Variants in PKIB observed in about 807,000 individuals in gnomAD.
PKIB encodes the protein PKI-beta.
Under a neutral mutation model 4.5 loss-of-function variants are expected in PKIB, and 2 were observed. The ratio of observed to expected loss-of-function variants is 0.44; its 90% CI spans 0.18 to 1.39. The LOEUF is 1.39. Among genes scored for constraint, PKIB ranks in the 40% most tolerant of loss-of-function variants. The pLI is 0.27. For synonymous variants in PKIB, 38 were observed against 36.0 expected, an observed-to-expected ratio of 1.06 and a Z score of -0.20; for missense variants, 94 against 92.6, an observed-to-expected ratio of 1.02 and a Z score of -0.06.
chr6:122,632,909 A>T (rs1775757876), intron 1 of PKIB, among the ~76,000 whole-genome samples: 1 of 152,224 alleles, frequency 6.6e-6, no homozygotes. Flanking sequence ...TGTTTATTTT[A>T]CTATTTAGTA....
In PKIB at chr6:122,507,307, G is replaced by C. The variant is rs192109422; in HGVS notation, c.-248+29368G>C. 1.6e-4 allele frequency among the ~76,000 whole-genome samples: 24 copies of C among 152,208 alleles called. No homozygotes were observed. In the East Asian group the frequency reaches 4.2e-3, roughly 27 times the overall value. On this transcript the variant is annotated intron_variant, in intron 2 of 6. Coordinates refer to the PKIB transcript ENST00000392491. ...TGAGAGGGTTTATAAGTATCTGTAGGCTCAGGCATCTAAACACTATTATTA... is the reference window on the plus strand; with the variant it reads ...TGAGAGGGTTTATAAGTATCTGTAGCCTCAGGCATCTAAACACTATTATTA...
chr6:122,598,518 T>C (rs932890435), intron 3 of PKIB, among the ~76,000 whole-genome samples: 3 of 152,182 alleles, frequency 2.0e-5, no homozygotes, highest in African/African-American at 4.8e-5. Context: ...CACCATTAGA[T>C]CTGACATACA....
intron 2 of PKIB, among the ~76,000 whole-genome samples, chr6:122,558,083 C>T (rs920398279): frequency 6.6e-6 from 1 of 152,114 alleles, no homozygotes; most frequent in Admixed American, 6.6e-5. Context: ...AAAACACATA[C>T]TAAACTTACT....
At chr6:122,674,879 T>C (rs1777610829) in intron 2 of PKIB, among the ~76,000 whole-genome samples, 199 bp from the exon 3 acceptor site, 1 of 152,220 alleles carries the variant, frequency 6.6e-6, no homozygotes, top group Non-Finnish European at 1.5e-5. Context: ...ATAACTGTTA[T>C]TTGAAATAAG....
chr6:122,572,618 AAC>A (rs1030048196), intron 2 of PKIB, among the ~76,000 whole-genome samples: 1 of 151,880 alleles, frequency 6.6e-6, no homozygotes, highest in African/African-American at 2.4e-5. Flanking sequence ...GGAAAAAAAA[AAC>A]AAAGATCAGA....
At chr6:122,529,210 T>C (rs932666940) in intron 2 of PKIB, among the ~76,000 whole-genome samples, 25 of 152,192 alleles carry the variant, frequency 1.6e-4, no homozygotes, top group African/African-American at 5.8e-4. Flanking sequence ...TATTTCCTTT[T>C]GGATATATTA....
At chr6:122,590,544 C>T (rs1406673815) in intron 3 of PKIB, among the ~76,000 whole-genome samples, 1 of 152,072 alleles carries the variant, frequency 6.6e-6, no homozygotes, top group African/African-American at 2.4e-5. Context: ...ACTTTTTTCT[C>T]CCTCCAGTGG....
At chr6:122,573,317 C>G (rs937740072) in intron 2 of PKIB, among the ~76,000 whole-genome samples, 1 of 151,910 alleles carries the variant, frequency 6.6e-6, no homozygotes, top group East Asian at 1.9e-4. Context: ...CACTTAAACC[C>G]AGAAGGTTAA....
intron 4 of PKIB, among the ~76,000 whole-genome samples, chr6:122,721,885 C>T (rs1370946993): frequency 6.6e-6 from 1 of 151,870 alleles, no homozygotes; most frequent in African/African-American, 2.4e-5. Context: ...ATCTAGAACT[C>T]AACATTTTCT....
intron 2 of PKIB, among the ~76,000 whole-genome samples, chr6:122,488,848 G>A (rs1775852228): frequency 1.3e-5 from 2 of 152,090 alleles, no homozygotes; most frequent in South Asian, 4.1e-4. Flanking sequence ...ATCTACTTCT[G>A]TATCTATCTG....
At chr6:122,537,031 A>G (rs2114627854) in intron 2 of PKIB, among the ~76,000 whole-genome samples, 1 of 152,148 alleles carries the variant, frequency 6.6e-6, no homozygotes. Context: ...CTGTTGGGAC[A>G]TAATCAGAAA....
intron 2 of PKIB, chr6:122,479,504 T>G (rs1175290032): frequency 2.0e-5 from 3 of 152,218 alleles, no homozygotes; most frequent in Non-Finnish European, 2.9e-5. Context: ...TCTATAGTTT[T>G]GATAAATATC....
intron 2 of PKIB, among the ~76,000 whole-genome samples, chr6:122,547,613 C>T (rs1285134073): frequency 6.6e-6 from 1 of 151,128 alleles, no homozygotes; most frequent in Admixed American, 6.6e-5. Flanking sequence ...GCTGGGATTA[C>T]AGGCGTGAGC....
chr6:122,601,028 G>A (rs950396653), intron 3 of PKIB, among the ~76,000 whole-genome samples: 2 of 151,310 alleles, frequency 1.3e-5, no homozygotes, highest in Non-Finnish European at 2.9e-5. Flanking sequence ...TGAATGCATT[G>A]TATAAACTAA....
At chr6:122,500,083 T>C (rs1278549904) in intron 2 of PKIB, among the ~76,000 whole-genome samples, 1 of 152,194 alleles carries the variant, frequency 6.6e-6, no homozygotes, top group Non-Finnish European at 1.5e-5. Context: ...TACATGCCCA[T>C]GGATTGGAAG....
intron 2 of PKIB, among the ~76,000 whole-genome samples, chr6:122,524,112 C>G (rs1777026218): frequency 6.6e-6 from 1 of 151,764 alleles, no homozygotes; most frequent in South Asian, 2.1e-4. Context: ...CTTCTCTCTT[C>G]TTCCTTCTTC....
At chr6:122,550,009 G>C (rs1281309239) in intron 2 of PKIB, among the ~76,000 whole-genome samples, 2 of 151,644 alleles carry the variant, frequency 1.3e-5, no homozygotes, top group Non-Finnish European at 2.9e-5. Context: ...CTGCCTCCTG[G>C]GTTCAAGTCA....
chr6:122,579,891 CTCAG>C (rs1346289785), intron 2 of PKIB, among the ~76,000 whole-genome samples: 6 of 152,104 alleles, frequency 3.9e-5, no homozygotes, highest in Admixed American at 2.0e-4. Context: ...CTGGTTTCTT[CTCAG>C]TCAGAGAAAT....
intron 2 of PKIB, among the ~76,000 whole-genome samples, chr6:122,497,321 A>C (rs543399114): frequency 2.6e-5 from 4 of 152,320 alleles, no homozygotes; most frequent in African/African-American, 9.6e-5. Context: ...CACAATAGCA[A>C]CTACAAAGCA....
Sources: allele counts gnomAD v4.1 joint callset (sites outside exome capture counted in the v4.1 genomes callset), GRCh38; gene constraint gnomAD v4.1.1; transcripts MANE v1.5; gene names NCBI Gene and HGNC (gene_info 2026-07-23, HGNC 2026-07-21).